Variants in ZSCAN5A observed in about 807,000 individuals in gnomAD.
ZSCAN5A encodes zinc finger and SCAN domain-containing protein 5A.
A neutral mutation model predicts 23.7 loss-of-function variants in ZSCAN5A; 12 were observed. The ratio of observed to expected loss-of-function variants is 0.51; its 90% CI spans 0.32 to 0.82. The LOEUF (loss-of-function observed/expected upper bound fraction) is 0.82. ZSCAN5A is among the 40% of genes least tolerant of loss of function. The pLI is 0.03. For missense variants in ZSCAN5A, 597 were observed against 617.9 expected (o/e 0.97, Z 0.36); for synonymous variants, 257 against 239.9 (o/e 1.07, Z -0.66).
chr19:56,283,856 G>A (rs1222222803), intron 2 of ZSCAN5A: 2 of 152,192 alleles, frequency 1.3e-5, no homozygotes, highest in East Asian at 1.9e-4. Context: ...CCTCTTTCTA[G>A]AGGCAATAAA....
intron 2 of ZSCAN5A, among the ~76,000 whole-genome samples, chr19:56,268,207 T>C (rs1387485418): frequency 2.0e-5 from 3 of 152,186 alleles, no homozygotes; most frequent in Non-Finnish European, 1.5e-5. Flanking sequence ...TTGGGACTCC[T>C]TGGGGGTTGG....
At chr19:56,279,035 A>G (rs1356999480) in intron 2 of ZSCAN5A, among the ~76,000 whole-genome samples, 1 of 152,170 alleles carries the variant, frequency 6.6e-6, no homozygotes, top group East Asian at 1.9e-4. Flanking sequence ...CAGCCCAAAC[A>G]TTCTAATCAA....
At position 56,225,058 on chromosome 19, in the gene ZSCAN5A, A is replaced by T; in HGVS notation, c.-12T>A. On this transcript the variant is annotated 5_prime_UTR_variant, in exon 3 of 6. Coordinates refer to ENST00000683990, the MANE Select transcript of ZSCAN5A (RefSeq NM_001322064.3). The stretch of plus-strand genomic sequence containing the variant: ...CAATTTGCAGCCATATCTAGTGGAG[A>T]ATTTTTTAATCAGTCTCTGAGAAAG... 3 of 1,568,900 alleles carry T rather than the reference A, an allele frequency of 1.9e-6. No individual in the cohort carries two copies. The highest frequency in any genetic ancestry group is 2.6e-6 in the Non-Finnish European group (3 of 1,157,120).
intron 2 of ZSCAN5A, among the ~76,000 whole-genome samples, chr19:56,249,330 C>T (rs954407492): frequency 1.3e-5 from 2 of 152,142 alleles, no homozygotes; most frequent in Non-Finnish European, 2.9e-5. Flanking sequence ...GGAGTGCAGT[C>T]GCGCAATCTC....
At chr19:56,307,287 C>T (rs528689666) in intron 2 of ZSCAN5A, among the ~76,000 whole-genome samples, 2 of 152,276 alleles carry the variant, frequency 1.3e-5, no homozygotes, top group East Asian at 3.9e-4. Context: ...AATGTCAACT[C>T]GATCATACGA....
At chr19:56,232,142 A>AT (rs2034531746) in intron 2 of ZSCAN5A, among the ~76,000 whole-genome samples, 1 of 151,486 alleles carries the variant, frequency 6.6e-6, no homozygotes, top group Non-Finnish European at 1.5e-5. Flanking sequence ...TGTCCGGCTA[A>AT]TTTTTTCTAC....
chr19:56,247,836 C>T (rs574475856), intron 2 of ZSCAN5A, among the ~76,000 whole-genome samples: 53 of 152,162 alleles, frequency 3.5e-4, no homozygotes, highest in Admixed American at 8.5e-4. Flanking sequence ...GGACTACAGG[C>T]GCCTGCCACC....
At chr19:56,238,005 A>G (rs78856977) in intron 2 of ZSCAN5A, among the ~76,000 whole-genome samples, 4 of 26,428 alleles carry the variant, frequency 1.5e-4, no homozygotes, top group Non-Finnish European at 1.8e-4. Context: ...ACGCACACAT[A>G]CACACACACG....
rs754005392 is a variant in ZSCAN5A at position 56,222,248 on chromosome 19, G to A, written c.818C>T (p.Ser273Phe). 7 of 1,613,768 alleles carry A rather than the reference G, an allele frequency of 4.3e-6. No homozygotes were observed. The East Asian group carries it at 1.1e-4, about 26-fold the overall frequency. Residue 273 changes from serine (S) to phenylalanine (F), a missense_variant, in exon 6 of 6, where the codon TCT becomes TTT. Around this residue, in one of 5 missense-constraint regions of ZSCAN5A, gnomAD observed 406 missense variants for 353.2 expected, o/e 1.15. Transcript: ENST00000683990. ...SVENVDADTP[S>F]ACVVEREAST... ...AGCTTCTCTCTCCACAACGCAGGCAGAAGGTGTGTCAGCATCCACATTTTC... is the reference window on the plus strand; with the variant it reads ...AGCTTCTCTCTCCACAACGCAGGCAAAAGGTGTGTCAGCATCCACATTTTC...
At chr19:56,344,909 C>CAAAAAAAAAAAAA (rs1019131536) in intron 2 of ZSCAN5A, among the ~76,000 whole-genome samples, 5 of 19,044 alleles carry the variant, frequency 2.6e-4, no homozygotes, top group African/African-American at 7.0e-4. Context: ...GACTCCGTCT[C>CAAAAAAAAAAAAA]AAAAAAAAAA....
At chr19:56,243,048 G>T (rs553121138) in intron 2 of ZSCAN5A, among the ~76,000 whole-genome samples, 51 of 152,152 alleles carry the variant, frequency 3.4e-4, no homozygotes, top group African/African-American at 1.2e-3. Flanking sequence ...CAAAGTGTTG[G>T]GACTACAGGC....
At chr19:56,287,694 G>A (rs930517124) in intron 2 of ZSCAN5A, among the ~76,000 whole-genome samples, 1 of 152,312 alleles carries the variant, frequency 6.6e-6, no homozygotes, top group Middle Eastern at 3.4e-3. Context: ...GGAAGTCACA[G>A]ACTCATGGGG....
chr19:56,333,498 G>C (rs1024822468), intron 2 of ZSCAN5A, among the ~76,000 whole-genome samples: 2 of 151,704 alleles, frequency 1.3e-5, no homozygotes, highest in Non-Finnish European at 2.9e-5. Context: ...CAGAAGCTCT[G>C]ACTGATTTCT....
At chr19:56,273,292 ATAGT>A (rs1251704569) in intron 2 of ZSCAN5A, among the ~76,000 whole-genome samples, 1 of 152,208 alleles carries the variant, frequency 6.6e-6, no homozygotes, top group African/African-American at 2.4e-5. Context: ...CAACATTACC[ATAGT>A]TAGATAATTC....
chr19:56,226,223 C>T (rs1456113385), intron 2 of ZSCAN5A, among the ~76,000 whole-genome samples: 1 of 152,094 alleles, frequency 6.6e-6, no homozygotes, highest in Non-Finnish European at 1.5e-5. Context: ...CCCACACTTC[C>T]TGGAAGGACT....
At chr19:56,284,323 G>A (rs1452972956) in intron 2 of ZSCAN5A, 1 of 258,736 alleles carries the variant, frequency 3.9e-6, no homozygotes, top group East Asian at 1.8e-4. Context: ...GTGGGTTTTA[G>A]ATGATAAAAA....
chr19:56,278,930 G>A (rs2038466609), intron 2 of ZSCAN5A, among the ~76,000 whole-genome samples: 1 of 152,096 alleles, frequency 6.6e-6, no homozygotes, highest in South Asian at 2.1e-4. Flanking sequence ...CCAACTGGAT[G>A]GTGCTCACCC....
chr19:56,323,853 T>C (rs938605010), intron 2 of ZSCAN5A, among the ~76,000 whole-genome samples: 1 of 151,158 alleles, frequency 6.6e-6, no homozygotes, highest in South Asian at 2.1e-4. Context: ...CTTTTTTTTT[T>C]ATAGATACAT....
At chr19:56,300,927 G>T (rs963519432) in intron 2 of ZSCAN5A, among the ~76,000 whole-genome samples, 1 of 152,144 alleles carries the variant, frequency 6.6e-6, no homozygotes, top group African/African-American at 2.4e-5. Flanking sequence ...CGACACGGTC[G>T]GATCTGGTGC....
Sources: allele counts gnomAD v4.1 joint callset (sites outside exome capture counted in the v4.1 genomes callset), GRCh38; gene constraint gnomAD v4.1.1; regional missense constraint gnomAD v4.1.1; transcripts MANE v1.5; gene names NCBI Gene and HGNC (gene_info 2026-07-23, HGNC 2026-07-21).